The following CELSR1 variants were observed in gnomAD, a reference collection of about 807,000 sequenced individuals.
CELSR1 encodes cadherin EGF LAG seven-pass G-type receptor 1, also known as adhesion G protein-coupled receptor C1.
In CELSR1, 110 loss-of-function variants were observed where a neutral mutation model predicts 249.1. The ratio of observed to expected loss-of-function variants is 0.44; its 90% CI spans 0.38 to 0.52. The LOEUF is 0.52. Ranked by LOEUF, CELSR1 falls within the 20% of genes least tolerant of loss-of-function variation. The pLI, the probability that CELSR1 is intolerant of heterozygous loss-of-function variation, is 0.00. For missense variants in CELSR1, 4,109 were observed against 4,296.4 expected (o/e 0.96, Z 1.22); for synonymous variants, 2,113 against 1,900.0 (o/e 1.11, Z -2.92).
rs948246598 is a variant in CELSR1, at chr22:46,374,758, C to G, written c.7585-1701G>C. Among the ~76,000 whole-genome samples, 1 of 152,184 alleles carries G rather than the reference C, an allele frequency of 6.6e-6. No homozygotes were observed. The highest frequency in any genetic ancestry group is 6.5e-5 in the Admixed American group (1 of 15,292). On this transcript the variant is annotated intron_variant, in intron 24 of 34. Transcript: ENST00000674500. The surrounding 1 kb of genome is among the most constrained non-coding windows in gnomAD (Gnocchi z 4.3). ...TTTGAGATGAAATCCGCACACTTCTCAGAGCCTTCCCAGACCAATGCGCGG... is the reference window on the plus strand; with the variant it reads ...TTTGAGATGAAATCCGCACACTTCTGAGAGCCTTCCCAGACCAATGCGCGG...
chr22:46,515,599 T>A (rs950415244), intron 1 of CELSR1, among the ~76,000 whole-genome samples: 1 of 152,040 alleles, frequency 6.6e-6, no homozygotes, highest in Non-Finnish European at 1.5e-5. Flanking sequence ...ACACAGCCAA[T>A]AGGACGGGCC....
rs1268601775 is a variant in CELSR1 at position 46,399,729 on chromosome 22, A to G, written c.5400T>C (p.Tyr1800=). 6.2e-7 allele frequency: 1 copy of G among 1,614,010 alleles called. No homozygotes were observed. The highest frequency in any genetic ancestry group is 1.1e-5 in the South Asian group (1 of 91,076). Residue 1800 remains tyrosine, a synonymous_variant, in exon 10 of 35, where the codon TAT becomes TAC. Transcript: ENST00000674500. The surrounding 1 kb of genome is among the most constrained non-coding windows in gnomAD (Gnocchi z 5.0). ...MKHLVTMTLD[Y]GMDQNKADIG... ...GGTGCCAGCTCACCTGGTCCATCCC[A>G]TAGTCCAAGGTCATGGTGACCAGGT...
intron 2 of CELSR1, among the ~76,000 whole-genome samples, chr22:46,450,713 G>A (rs1182380073): frequency 2.6e-5 from 4 of 152,108 alleles, no homozygotes; most frequent in Non-Finnish European, 5.9e-5. Flanking sequence ...AGGAGAGGCC[G>A]ACCAGGAGGC....
At chr22:46,376,853 T>C (rs1485351650) in intron 24 of CELSR1, among the ~76,000 whole-genome samples, 1 of 148,342 alleles carries the variant, frequency 6.7e-6, no homozygotes, top group East Asian at 2.0e-4. Context: ...CATCTCCCAA[T>C]AGAGTCAAAG....
intron 5 of CELSR1, among the ~76,000 whole-genome samples, chr22:46,432,971 A>T (rs1167667322): frequency 1.3e-5 from 2 of 151,884 alleles, no homozygotes; most frequent in African/African-American, 4.8e-5. Flanking sequence ...TAGCACATTT[A>T]AAAAAAAATT....
rs962333050 is a variant in CELSR1 at position 46,430,751 on chromosome 22, C to T, written c.4611+2642G>A. Among the ~76,000 whole-genome samples the T allele has an allele frequency of 6.6e-6, 1 of 152,130 alleles. No individual in the cohort carries two copies. Among genetic ancestry groups the T allele is most frequent in the Non-Finnish European group, 1.5e-5 (1 of 68,024 alleles). On this transcript the variant is annotated intron_variant, in intron 5 of 34. Transcript: ENST00000674500. The surrounding 1 kb of genome is among the most constrained non-coding windows in gnomAD (Gnocchi z 4.6). ...CTGACCTCAAGCTGGCCCCCGCCAC[C>T]CCTCCAGGCCCCCACACTGCTCCCA...
intron 1 of CELSR1, among the ~76,000 whole-genome samples, chr22:46,519,216 G>C (rs951561503): frequency 6.6e-6 from 1 of 152,114 alleles, no homozygotes; most frequent in African/African-American, 2.4e-5. Flanking sequence ...ACAGGGTGGG[G>C]GTGTTGCACA....
rs1042512893 is a variant in CELSR1, at chr22:46,406,918, G to T, written c.5226+2078C>A. On this transcript the variant is annotated intron_variant, in intron 9 of 34. Coordinates refer to ENST00000674500, the MANE Select transcript of CELSR1 (RefSeq NM_001378328.1). This position sits in a 1 kb window ranked among gnomAD's most constrained non-coding sequence, Gnocchi z 5.4. ...AGCCCAACGGAGCAAAGGCAATAAGGCATGGCTCCGCCACGGCACACAGCT... is the reference window on the plus strand; with the variant it reads ...AGCCCAACGGAGCAAAGGCAATAAGTCATGGCTCCGCCACGGCACACAGCT... Among the ~76,000 whole-genome samples the T allele has an allele frequency of 2.6e-5, 4 of 152,240 alleles. No homozygotes were observed. The highest frequency in any genetic ancestry group is 9.6e-5 in the African/African-American group (4 of 41,454).
rs1267658900 is a variant in CELSR1, at chr22:46,535,264, G to T, written c.1907C>A (p.Ser636Tyr). 8 of 1,610,416 alleles carry T rather than the reference G, an allele frequency of 5.0e-6. No homozygotes were observed. The highest frequency in any genetic ancestry group is 5.1e-6 in the Non-Finnish European group (6 of 1,180,016). Residue 636 changes from serine to tyrosine, a missense_variant, in exon 1 of 35, where the codon TCC (serine) becomes TAC (tyrosine). Coordinates refer to ENST00000674500, the MANE Select transcript of CELSR1 (RefSeq NM_001378328.1). The stretch of plus-strand genomic sequence containing the variant: ...CTCGGCACACACTGTGATCCAACCG[G>T]AGCTGTTGTGGATCTGGAAGGGGAA... ...PDFPFQIHNS[S>Y]GWITVCAELD... is the part of the protein sequence containing the mutation.
In CELSR1 at chr22:46,436,678, T is replaced by C. The variant is rs889837028; in HGVS notation, c.4407-389A>G. On this transcript the variant is annotated intron_variant, in intron 3 of 34. Transcript: ENST00000674500. This position sits in a 1 kb window ranked among gnomAD's most constrained non-coding sequence, Gnocchi z 5.9. The stretch of plus-strand genomic sequence containing the variant: ...GTGTGTGCGCCAGGGCATGGGGACC[T>C]GGTACCTTCCCAGGCAGGGATGATG... 6.6e-6 allele frequency among the ~76,000 whole-genome samples: 1 copy of C among 152,184 alleles called. No individual in the cohort carries two copies. Among genetic ancestry groups the C allele is most frequent in the Non-Finnish European group, 1.5e-5 (1 of 68,042 alleles).
chr22:46,370,717 C>T (rs1168736468), intron 25 of CELSR1, among the ~76,000 whole-genome samples: 1 of 152,214 alleles, frequency 6.6e-6, no homozygotes. Flanking sequence ...CCCTCCAGCA[C>T]TTCCCACTGC....
chr22:46,420,264 CCA>C (rs1181317361), intron 5 of CELSR1, among the ~76,000 whole-genome samples: 1 of 150,912 alleles, frequency 6.6e-6, no homozygotes, highest in Non-Finnish European at 1.5e-5. Context: ...ATGCACTCGC[CCA>C]CACACGTGCA....
At chr22:46,525,280 T>C (rs1458558131) in intron 1 of CELSR1, among the ~76,000 whole-genome samples, 3 of 152,136 alleles carry the variant, frequency 2.0e-5, no homozygotes, top group Admixed American at 1.3e-4. Flanking sequence ...GAAAGCCCCA[T>C]GTCTACTAAA....
chr22:46,492,085 C>G (rs1010237294), intron 1 of CELSR1, among the ~76,000 whole-genome samples: 1 of 152,236 alleles, frequency 6.6e-6, no homozygotes, highest in Non-Finnish European at 1.5e-5. Flanking sequence ...GAGAAGGCAA[C>G]GGTCAGGGCG....
intron 9 of CELSR1, among the ~76,000 whole-genome samples, chr22:46,400,157 C>G (rs2079195896): frequency 7.0e-6 from 1 of 142,124 alleles, no homozygotes. Flanking sequence ...TGGTGAAACC[C>G]CATCTTTACT....
chr22:46,452,532 C>G (rs990951321), intron 2 of CELSR1, among the ~76,000 whole-genome samples: 1 of 152,218 alleles, frequency 6.6e-6, no homozygotes, highest in Non-Finnish European at 1.5e-5. Flanking sequence ...CTGCTGATCA[C>G]CAGGACATGA....
Position 46,398,516 on chromosome 22 carries a change from C to CCACG in CELSR1, c.5526+4_5526+7dup. The CCACG allele has an allele frequency of 6.3e-7, 1 of 1,599,708 alleles. No individual in the cohort carries two copies. The highest frequency in any genetic ancestry group is 8.5e-7 in the Non-Finnish European group (1 of 1,171,686). ...GGCCTCCCCCCGCCCCCCACAACCC[C>CCACG]CACGCACCTGCATGCAGCCTCGGAA... On this transcript the variant is annotated splice_region_variant and intron_variant, in intron 11 of 34. Coordinates refer to ENST00000674500, the MANE Select transcript of CELSR1 (RefSeq NM_001378328.1). This position sits in a 1 kb window ranked among gnomAD's most constrained non-coding sequence, Gnocchi z 7.2.
In CELSR1 at chr22:46,408,576, C is replaced by G. The variant is rs543187633; in HGVS notation, c.5226+420G>C. Among the ~76,000 whole-genome samples the G allele has an allele frequency of 5.9e-5, 9 of 152,332 alleles. No individual in the cohort carries two copies. Among genetic ancestry groups the G allele is most frequent in the African/African-American group, 1.9e-4 (8 of 41,572 alleles). Reference sequence around the variant, plus strand: ...TCTCGAACTTCTGACCTCAGGTGATCCGCCGGCCTCCGCCACCCAAAGTGT... The same window carrying G: ...TCTCGAACTTCTGACCTCAGGTGATGCGCCGGCCTCCGCCACCCAAAGTGT... On this transcript the variant is annotated intron_variant, in intron 9 of 34. Transcript: ENST00000674500. This position sits in a 1 kb window ranked among gnomAD's most constrained non-coding sequence, Gnocchi z 4.6.
At position 46,446,610 on chromosome 22, in the gene CELSR1, C is replaced by T. The variant is rs559337156; in HGVS notation, c.4184-7199G>A. 4.3e-4 allele frequency among the ~76,000 whole-genome samples: 65 copies of T among 149,616 alleles called. 1 individual carries two copies. Among genetic ancestry groups the T allele is most frequent in the Admixed American group, 2.1e-3 (31 of 15,062 alleles). ...CCTGGCAGGGAGGGTCGCAGGGGGT[C>T]GGTGGGGGGGAAAGCTGGGTCCATA... On this transcript the variant is annotated intron_variant, in intron 2 of 34. Transcript: ENST00000674500. This position sits in a 1 kb window ranked among gnomAD's most constrained non-coding sequence, Gnocchi z 5.5.
Sources: allele counts gnomAD v4.1 joint callset (sites outside exome capture counted in the v4.1 genomes callset), GRCh38; gene constraint gnomAD v4.1.1; non-coding constraint Gnocchi (gnomAD v3.1); transcripts MANE v1.5; gene names NCBI Gene and HGNC (gene_info 2026-07-23, HGNC 2026-07-21).